Variants in DGKB observed in about 807,000 individuals in gnomAD.
The protein encoded by DGKB is diacylglycerol kinase beta.
Under a neutral mutation model 114.3 loss-of-function variants are expected in DGKB, and 67 were observed. The observed-to-expected ratio is 0.59, with a 90% CI of 0.48 to 0.72. The LOEUF (loss-of-function observed/expected upper bound fraction) is 0.72, where lower values mean the gene tolerates loss of function less well. Among genes scored for constraint, DGKB ranks in the 30% least tolerant of loss-of-function variants. The probability of loss-of-function intolerance (pLI) is 0.00; values close to 1 mark genes in which losing one functional copy is unlikely to be tolerated. For missense variants in DGKB, 907 were observed against 975.2 expected, an observed-to-expected ratio of 0.93 and a Z score of 0.93; for synonymous variants, 398 against 323.1, an observed-to-expected ratio of 1.23 and a Z score of -2.49.
At chr7:14,848,903 T>G (rs773807752) in intron 1 of DGKB, among the ~76,000 whole-genome samples, 1 of 152,110 alleles carries the variant, frequency 6.6e-6, no homozygotes, top group South Asian at 2.1e-4. Flanking sequence ...TATCCCCTTC[T>G]CTTTTCAAAA....
chr7:14,230,027 G>A (rs780678455), intron 23 of DGKB, among the ~76,000 whole-genome samples: 15 of 151,972 alleles, frequency 9.9e-5, no homozygotes, highest in Non-Finnish European at 1.8e-4. Context: ...GCGAAAAAGA[G>A]TTGGTCTTTG....
intron 2 of DGKB, among the ~76,000 whole-genome samples, chr7:14,824,943 A>T (rs1845446046): frequency 6.7e-6 from 1 of 149,130 alleles, no homozygotes; most frequent in Non-Finnish European, 1.5e-5. Context: ...CCAAACTAAC[A>T]AACTAATATG....
chr7:14,782,684 G>A (rs962090246), intron 2 of DGKB, among the ~76,000 whole-genome samples: 3 of 152,124 alleles, frequency 2.0e-5, no homozygotes, highest in Non-Finnish European at 2.9e-5. Flanking sequence ...GTTGGAGAAT[G>A]TCCTTCTGAA....
chr7:14,923,622 T>C (rs1368182060), intron 1 of DGKB, among the ~76,000 whole-genome samples: 2 of 152,194 alleles, frequency 1.3e-5, no homozygotes, highest in African/African-American at 2.4e-5. Context: ...CCTTTTGATA[T>C]CTGGCATTCA....
chr7:14,798,876 A>G (rs963115504), intron 2 of DGKB, among the ~76,000 whole-genome samples: 1 of 152,232 alleles, frequency 6.6e-6, no homozygotes, highest in Non-Finnish European at 1.5e-5. Flanking sequence ...GAGGGCTACT[A>G]TTGTGGCAAA....
At position 14,149,221 on chromosome 7, in the gene DGKB, C is replaced by T. The variant is rs1781813281; in HGVS notation, c.2322G>A (p.Lys774=). Residue 774 remains lysine, a synonymous_variant, in exon 26 of 26, where the codon AAG becomes AAA. Coordinates refer to ENST00000402815, the MANE Select transcript of DGKB (RefSeq NM_001350709.2). ...GGCCCATCAGCATTGGGGCTTGGTT[C>T]TTGTGTGTAATTTTTATCTAGAAAA... is the stretch of plus-strand genomic sequence containing the variant. ...QTPCTIKITH[K]NQAPMLMGPP... 1 of 1,611,956 alleles carries T rather than the reference C, an allele frequency of 6.2e-7. No homozygotes were observed. Among genetic ancestry groups the T allele is most frequent in the Non-Finnish European group, 8.5e-7 (1 of 1,179,000 alleles).
intron 5 of DGKB, among the ~76,000 whole-genome samples, chr7:14,719,490 C>T (rs374777956): frequency 2.9e-5 from 4 of 140,024 alleles, no homozygotes; most frequent in African/African-American, 1.0e-4. Context: ...GAAGATAAAC[C>T]GCAATTATCC....
rs904218721 is a variant in DGKB, at chr7:14,553,521, A to G, written c.1770+20691T>C. Among the ~76,000 whole-genome samples the G allele has an allele frequency of 3.9e-5, 6 of 152,348 alleles. 2 individuals are homozygous for G. The highest frequency in any genetic ancestry group is 3.9e-4 in the East Asian group (2 of 5,180). On this transcript the variant is annotated intron_variant, in intron 20 of 25. Transcript: ENST00000402815. The stretch of plus-strand genomic sequence containing the variant: ...TCAGTAGAACAGCAGCTATAGTTAT[A>G]TCTATCCAGTTAAAATGTGATCTAA...
chr7:14,937,820 G>C (rs1785354784), intron 1 of DGKB, among the ~76,000 whole-genome samples: 1 of 152,036 alleles, frequency 6.6e-6, no homozygotes, highest in East Asian at 1.9e-4. Flanking sequence ...AAGACAACAG[G>C]ATGATGACCT....
At chr7:14,190,058 A>G (rs997207258) in intron 23 of DGKB, among the ~76,000 whole-genome samples, 4 of 152,196 alleles carry the variant, frequency 2.6e-5, no homozygotes, top group African/African-American at 9.7e-5. Flanking sequence ...GACCTAACAG[A>G]CATTTACAGA....
chr7:14,839,890 C>T (rs1847686214), intron 2 of DGKB, among the ~76,000 whole-genome samples: 1 of 151,794 alleles, frequency 6.6e-6, no homozygotes, highest in Admixed American at 6.6e-5. Context: ...AAATACCCAG[C>T]AGCATTCTCA....
At chr7:14,785,504 C>G (rs1013731526) in intron 2 of DGKB, among the ~76,000 whole-genome samples, 18 of 151,974 alleles carry the variant, frequency 1.2e-4, no homozygotes, top group African/African-American at 4.4e-4. Flanking sequence ...AACGTCATGA[C>G]TAAATTAAAT....
rs187747938 is a variant in DGKB at position 14,370,344 on chromosome 7, T to A, written c.1836-24953A>T. On this transcript the variant is annotated intron_variant, in intron 21 of 25. Coordinates refer to ENST00000402815, the MANE Select transcript of DGKB (RefSeq NM_001350709.2). ...GTTACTGTAGCCTTGTAGTATAGTTTGAAGTCAGGTAGTGTGATGCCTCTA... is the reference window on the plus strand; with the variant it reads ...GTTACTGTAGCCTTGTAGTATAGTTAGAAGTCAGGTAGTGTGATGCCTCTA... Among the ~76,000 whole-genome samples, 354 of 152,294 alleles carry A rather than the reference T, an allele frequency of 2.3e-3. 3 individuals carry two copies. Among genetic ancestry groups the A allele is most frequent in the Non-Finnish European group, 4.0e-3 (275 of 68,008 alleles).
At chr7:14,825,502 C>T (rs1200164773) in intron 2 of DGKB, among the ~76,000 whole-genome samples, 1 of 152,090 alleles carries the variant, frequency 6.6e-6, no homozygotes, top group Non-Finnish European at 1.5e-5. Flanking sequence ...CAACCTAGTC[C>T]CTTGCATGTG....
intron 13 of DGKB, among the ~76,000 whole-genome samples, chr7:14,631,284 A>AAAAAAAAAAG (rs1809657788): frequency 1.4e-5 from 2 of 146,436 alleles, no homozygotes; most frequent in Non-Finnish European, 3.1e-5. Context: ...AAAAAAAAAG[A>AAAAAAAAAAG]AAAAAATAGC....
At chr7:14,677,313 ATAAGCTAC>A (rs1451321793) in intron 12 of DGKB, among the ~76,000 whole-genome samples, 2 of 151,924 alleles carry the variant, frequency 1.3e-5, no homozygotes, top group Admixed American at 1.3e-4. Context: ...AAGAAGAGAA[ATAAGCTAC>A]TTTTCTAAAG....
chr7:14,186,333 G>C (rs1230548373), intron 23 of DGKB, among the ~76,000 whole-genome samples: 1 of 152,180 alleles, frequency 6.6e-6, no homozygotes, highest in African/African-American at 2.4e-5. Context: ...ATTCCTGCAA[G>C]AATGACCATA....
At position 14,482,068 on chromosome 7, in the gene DGKB, A is replaced by C. The variant is rs1198695656; in HGVS notation, c.1771-3843T>G. The stretch of plus-strand genomic sequence containing the variant: ...GACTGGGTTCAAGACCCAGCTCTAA[A>C]TTTTACTGAATATTTTACTTTGAAA... On this transcript the variant is annotated intron_variant, in intron 20 of 25. Transcript: ENST00000402815. Among the ~76,000 whole-genome samples, 3 of 151,922 alleles carry C rather than the reference A, an allele frequency of 2.0e-5. No homozygotes were observed. In the East Asian group the frequency reaches 5.8e-4, roughly 29 times the overall value.
intron 20 of DGKB, among the ~76,000 whole-genome samples, chr7:14,490,918 A>G (rs914178645): frequency 6.6e-6 from 1 of 152,014 alleles, no homozygotes; most frequent in African/African-American, 2.4e-5. Context: ...TTTTCTGGTA[A>G]ATTATTCATT....
Sources: gnomAD v4.1 joint callset for allele counts (sites outside exome capture counted in the v4.1 genomes callset) on GRCh38, gnomAD v4.1.1 for gene constraint, MANE v1.5 for transcripts, NCBI Gene and HGNC (gene_info 2026-07-23, HGNC 2026-07-21) for gene names.